Variants in CALN1 observed in about 807,000 individuals in gnomAD.
The protein encoded by CALN1 is calneuron 1.
Under a neutral mutation model 30.6 loss-of-function variants are expected in CALN1, and 17 were observed. The ratio of observed to expected loss-of-function variants is 0.56; its 90% CI spans 0.38 to 0.83. The LOEUF (loss-of-function observed/expected upper bound fraction) is 0.83. Among genes scored for constraint, CALN1 ranks in the 40% least tolerant of loss-of-function variants. The probability of loss-of-function intolerance (pLI) is 0.00; values close to 1 mark genes in which losing one functional copy is unlikely to be tolerated. For synonymous variants in CALN1, 156 were observed against 131.4 expected (o/e 1.19, Z -1.28); for missense variants, 291 against 354.9 (o/e 0.82, Z 1.45).
chr7:72,483,220 T>C, the CALN1 span, among the ~76,000 whole-genome samples: 1 of 151,878 alleles, frequency 6.6e-6, no homozygotes, highest in Non-Finnish European at 1.5e-5. Flanking sequence ...TCCCCTGATG[T>C]TTTTTGTGGG....
At chr7:72,306,748 A>C (rs1799681461) in intron 2 of CALN1, among the ~76,000 whole-genome samples, 1 of 152,168 alleles carries the variant, frequency 6.6e-6, no homozygotes, top group South Asian at 2.1e-4. Flanking sequence ...TGTTTCTTAA[A>C]TGTATTTGAT....
At chr7:72,390,265 C>A (rs563135618) in intron 2 of CALN1, among the ~76,000 whole-genome samples, 2 of 152,030 alleles carry the variant, frequency 1.3e-5, no homozygotes, top group Non-Finnish European at 1.5e-5. Context: ...ACCACCTCTA[C>A]TAAAAATACA....
At chr7:72,335,603 G>T (rs995367937) in intron 2 of CALN1, among the ~76,000 whole-genome samples, 1 of 152,208 alleles carries the variant, frequency 6.6e-6, no homozygotes, top group African/African-American at 2.4e-5. Flanking sequence ...GCAGAAAACC[G>T]GCTCAGGGCC....
chr7:71,954,434 T>G (rs1039588771), intron 5 of CALN1, among the ~76,000 whole-genome samples: 2 of 152,004 alleles, frequency 1.3e-5, no homozygotes, highest in African/African-American at 4.8e-5. Flanking sequence ...TGCTCCAGCC[T>G]GGGCAACAGA....
rs1285001996 is a variant in CALN1, at chr7:72,412,200, T to G, written c.-216A>C. 2 of 152,612 alleles carry G rather than the reference T, an allele frequency of 1.3e-5. No individual in the cohort carries two copies. The highest frequency in any genetic ancestry group is 4.8e-5 in the African/African-American group (2 of 41,460). The allele number at this position is 152,612 out of a possible 1,614,324, so 9.5% of individuals were successfully genotyped here. A position where few individuals can be genotyped will look rare whatever the true frequency, so the allele number is the denominator to read the frequency against. On this transcript the variant is annotated 5_prime_UTR_variant, in exon 1 of 7. Transcript: ENST00000395275. ...GCTCCTCCCGGTGGGCTTGCGGTCT[T>G]GCTGACTTCAAGAACGAAGACGCAG...
intron 3 of CALN1, among the ~76,000 whole-genome samples, chr7:72,211,994 G>A (rs907450480): frequency 2.6e-5 from 4 of 152,184 alleles, no homozygotes; most frequent in Admixed American, 1.3e-4. Flanking sequence ...ATGAATAACC[G>A]TTTTTTATGG....
At chr7:72,246,661 C>T (rs1393367546) in intron 3 of CALN1, among the ~76,000 whole-genome samples, 1 of 151,992 alleles carries the variant, frequency 6.6e-6, no homozygotes, top group Non-Finnish European at 1.5e-5. Flanking sequence ...GAAATAAGGA[C>T]ACGGTCCTTT....
chr7:72,200,348 G>C (rs551346824), intron 3 of CALN1, among the ~76,000 whole-genome samples: 11 of 152,296 alleles, frequency 7.2e-5, no homozygotes, highest in East Asian at 1.9e-4. Flanking sequence ...CTGTGAACTA[G>C]AAATGTTAAT....
chr7:72,171,223 G>A (rs560246528), intron 3 of CALN1, among the ~76,000 whole-genome samples: 9 of 152,192 alleles, frequency 5.9e-5, no homozygotes, highest in East Asian at 5.8e-4. Flanking sequence ...AACTTTTCAC[G>A]CCTAAAAGAT....
chr7:71,800,064 C>A (rs774325430), intron 6 of CALN1, among the ~76,000 whole-genome samples: 6 of 152,202 alleles, frequency 3.9e-5, no homozygotes, highest in Non-Finnish European at 8.8e-5. Context: ...TTGTGCATGG[C>A]CAGGTGATGG....
intron 2 of CALN1, among the ~76,000 whole-genome samples, chr7:72,308,278 C>T (rs901644844): frequency 3.4e-5 from 5 of 147,258 alleles, no homozygotes; most frequent in Non-Finnish European, 5.9e-5. Flanking sequence ...GCACAAAGAT[C>T]ATTTGAACCA....
At chr7:72,407,263 T>C (rs188398458) in intron 1 of CALN1, among the ~76,000 whole-genome samples, 132 of 152,308 alleles carry the variant, frequency 8.7e-4, no homozygotes, top group Admixed American at 3.7e-3. Context: ...AAAATGAACC[T>C]GATAATAACA....
At chr7:71,792,630 G>A (rs904012102) in intron 6 of CALN1, among the ~76,000 whole-genome samples, 1 of 152,078 alleles carries the variant, frequency 6.6e-6, no homozygotes, top group Non-Finnish European at 1.5e-5. Flanking sequence ...GGAAAAAGGA[G>A]GTGGCATTTA....
intron 6 of CALN1, among the ~76,000 whole-genome samples, chr7:71,798,229 C>G (rs181835014): frequency 1.3e-5 from 2 of 151,694 alleles, no homozygotes; most frequent in East Asian, 3.9e-4. Flanking sequence ...CACTTGACTT[C>G]CCCCATTATT....
chr7:72,289,847 T>C (rs938259965), intron 2 of CALN1, among the ~76,000 whole-genome samples: 2 of 151,896 alleles, frequency 1.3e-5, no homozygotes, highest in African/African-American at 4.8e-5. Context: ...TCCCAGCACT[T>C]TGGGATGCCA....
chr7:72,485,800 G>A, the CALN1 span, among the ~76,000 whole-genome samples: 1 of 152,160 alleles, frequency 6.6e-6, no homozygotes, highest in African/African-American at 2.4e-5. Context: ...GAACCCGGGA[G>A]GTGGAGGTTG....
chr7:72,033,932 G>A (rs1801617328), intron 4 of CALN1, among the ~76,000 whole-genome samples: 1 of 152,106 alleles, frequency 6.6e-6, no homozygotes. Context: ...GGGGATTGGA[G>A]AAGTCTGGAT....
At chr7:72,371,601 TCTTTA>T (rs1385495633) in intron 2 of CALN1, among the ~76,000 whole-genome samples, 1 of 152,218 alleles carries the variant, frequency 6.6e-6, no homozygotes, top group Non-Finnish European at 1.5e-5. Flanking sequence ...TCAGTTAACC[TCTTTA>T]CTTTATAAAT....
intron 3 of CALN1, among the ~76,000 whole-genome samples, chr7:72,193,217 T>A (rs1790755640): frequency 6.6e-6 from 1 of 150,812 alleles, no homozygotes; most frequent in East Asian, 1.9e-4. Flanking sequence ...AAAAAAAAAT[T>A]AGCCATGTGT....
Sources: allele counts gnomAD v4.1 joint callset (sites outside exome capture counted in the v4.1 genomes callset), GRCh38; gene constraint gnomAD v4.1.1; transcripts MANE v1.5; gene names NCBI Gene and HGNC (gene_info 2026-07-23, HGNC 2026-07-21).